The following GJA3 variants were observed in gnomAD, a reference collection of about 807,000 sequenced individuals.
GJA3 encodes gap junction protein alpha 3, also known as gap junction alpha-3 protein.
For synonymous variants in GJA3, 297 were observed against 292.6 expected, an observed-to-expected ratio of 1.02 and a Z score of -0.15; for missense variants, 571 against 620.3, an observed-to-expected ratio of 0.92 and a Z score of 0.84.
At position 20,142,654 on chromosome 13, in the gene GJA3, C is replaced by T; in HGVS notation, c.635G>A (p.Cys212Tyr). Residue 212 changes from cysteine to tyrosine, a missense_variant, in exon 2 of 2, where the codon TGC becomes TAC. By Grantham distance (194) the Cys-to-Tyr change is radical. Coordinates refer to ENST00000241125, the MANE Select transcript of GJA3 (RefSeq NM_021954.4). ...IFIIFMLAVA[C>Y]ASLLLNMLEI... Reference sequence around the variant, plus strand: ...CAGCATGTTGAGCAGCAGGGACGCGCAGGCCACCGCCAGCATGAAGATGAT... The same window carrying T: ...CAGCATGTTGAGCAGCAGGGACGCGTAGGCCACCGCCAGCATGAAGATGAT... 1.2e-6 allele frequency: 2 copies of T among 1,613,748 alleles called. No homozygotes were observed.
At chr13:20,160,711 C>T (rs1052120805) in intron 1 of GJA3, among the ~76,000 whole-genome samples, 179 bp downstream of exon 1, 8 of 152,172 alleles carry the variant, frequency 5.3e-5, no homozygotes, top group African/African-American at 1.7e-4. Context: ...TTTGAAGAAT[C>T]CTGAAAGAAT....
chr13:20,159,409 A>C (rs1191536071), intron 1 of GJA3, among the ~76,000 whole-genome samples: 1 of 137,486 alleles, frequency 7.3e-6, no homozygotes, highest in Admixed American at 8.0e-5. Flanking sequence ...GTGAGCCGAG[A>C]TCGCACCACT....
intron 1 of GJA3, among the ~76,000 whole-genome samples, chr13:20,151,268 G>C (rs1958875515): frequency 6.6e-6 from 1 of 152,130 alleles, no homozygotes; most frequent in Non-Finnish European, 1.5e-5. Context: ...AGCCCTCCAG[G>C]AGATAAGGAA....
At position 20,139,525 on chromosome 13, in the gene GJA3, C is replaced by T. The variant is rs1380401138; in HGVS notation, c.*2456G>A. 6.6e-6 allele frequency: 1 copy of T among 152,130 alleles called. No homozygotes were observed. Among genetic ancestry groups the T allele is most frequent in the East Asian group, 1.9e-4 (1 of 5,192 alleles). 9.4% of individuals were successfully genotyped at this position (152,130 alleles called of 1,614,324 possible). A position where few individuals can be genotyped will look rare whatever the true frequency, so the allele number is the denominator to read the frequency against. ...GACCCAGCCTTTAGAATCATGGATACCTCAAAGAGCAAAAGGATGTGAAAC... is the reference window on the plus strand; with the variant it reads ...GACCCAGCCTTTAGAATCATGGATATCTCAAAGAGCAAAAGGATGTGAAAC... On this transcript the variant is annotated 3_prime_UTR_variant, in exon 2 of 2. Coordinates refer to ENST00000241125, the MANE Select transcript of GJA3 (RefSeq NM_021954.4).
chr13:20,148,185 C>T (rs773150319), intron 1 of GJA3, among the ~76,000 whole-genome samples: 4 of 151,986 alleles, frequency 2.6e-5, no homozygotes, highest in Non-Finnish European at 4.4e-5. Context: ...CCTCCCTTCG[C>T]CGTCAGACTT....
chr13:20,156,454 G>A (rs1477616251), intron 1 of GJA3, among the ~76,000 whole-genome samples: 3 of 152,052 alleles, frequency 2.0e-5, no homozygotes, highest in Non-Finnish European at 4.4e-5. Context: ...TTACAGGCGT[G>A]TGTCACCACA....
chr13:20,157,660 T>C (rs558869672), intron 1 of GJA3, among the ~76,000 whole-genome samples: 48 of 152,352 alleles, frequency 3.2e-4, no homozygotes, highest in Non-Finnish European at 6.0e-4. Context: ...GTTCAGCTTA[T>C]GACACTATGT....
At chr13:20,153,782 T>G (rs1193026226) in intron 1 of GJA3, among the ~76,000 whole-genome samples, 2 of 144,180 alleles carry the variant, frequency 1.4e-5, no homozygotes, top group East Asian at 3.9e-4. Context: ...TAAAGTATAA[T>G]AATAATAAAA....
intron 1 of GJA3, among the ~76,000 whole-genome samples, chr13:20,151,997 G>A (rs146290632): frequency 1.3e-5 from 2 of 152,342 alleles, no homozygotes; most frequent in East Asian, 1.9e-4. Context: ...CAGAACGGGA[G>A]TAATGGAACT....
chr13:20,142,342 T>C lies in GJA3; in HGVS notation c.947A>G (p.Asn316Ser), dbSNP rs774018241. The C allele has an allele frequency of 1.3e-6, 2 of 1,556,894 alleles. No homozygotes were observed. The highest frequency in any genetic ancestry group is 2.0e-5 in the Admixed American group (1 of 50,264). ...RGKGQSAKLY[N>S]GHHHLLMTEQ... ...AGTCATCAGCAGGTGGTGGTGGCCG[T>C]TGTAGAGCTTGGCGGACTGGCCCTT... Residue 316 changes from asparagine to serine, a missense_variant, in exon 2 of 2, where the codon AAC becomes AGC. Asn to Ser is a conservative substitution (Grantham distance 46). Coordinates refer to ENST00000241125, the MANE Select transcript of GJA3 (RefSeq NM_021954.4).
chr13:20,138,268 G>A lies in GJA3; in HGVS notation c.*3713C>T, dbSNP rs959858239. 1 of 152,136 alleles carries A rather than the reference G, an allele frequency of 6.6e-6. No individual in the cohort carries two copies. The highest frequency in any genetic ancestry group is 2.4e-5 in the African/African-American group (1 of 41,414). The allele number at this position is 152,136 out of a possible 1,614,324, so 9.4% of individuals were successfully genotyped here. ...CAGAACTAGTGGTTTAAACTTAAGG[G>A]CACTTTTATTATTTTAGAAAATGCT... is the stretch of plus-strand genomic sequence containing the variant. On this transcript the variant is annotated 3_prime_UTR_variant, in exon 2 of 2. Transcript: ENST00000241125.
intron 1 of GJA3, among the ~76,000 whole-genome samples, chr13:20,144,251 T>C (rs948843971): frequency 1.3e-5 from 2 of 152,114 alleles, no homozygotes; most frequent in African/African-American, 2.4e-5. Flanking sequence ...GGGTGCTGGA[T>C]GGGGGCAGAG....
intron 1 of GJA3, among the ~76,000 whole-genome samples, chr13:20,158,912 C>CAAAAAAAAAAACA (rs1958920592): frequency 1.8e-5 from 1 of 54,980 alleles, no homozygotes; most frequent in Non-Finnish European, 3.1e-5. Flanking sequence ...GCAAAACTCT[C>CAAAAAAAAAAACA]AAAAAAAAAA....
rs1490931264 is a variant in GJA3 at position 20,160,541 on chromosome 13, C to G, written c.-18+349G>C. Among the ~76,000 whole-genome samples the G allele has an allele frequency of 3.9e-5, 6 of 152,198 alleles. No homozygotes were observed. The South Asian group carries it at 1.0e-3, about 26-fold the overall frequency. ...CCGGGACAGCCCGGCTTCCTCCACCCGAGGGGGAAAACAACCCCAGGAAAA... is the reference window on the plus strand; with the variant it reads ...CCGGGACAGCCCGGCTTCCTCCACCGGAGGGGGAAAACAACCCCAGGAAAA... On this transcript the variant is annotated intron_variant, in intron 1 of 1. Transcript: ENST00000241125.
intron 1 of GJA3, among the ~76,000 whole-genome samples, chr13:20,151,334 C>T (rs1183309998): frequency 6.6e-6 from 1 of 152,118 alleles, no homozygotes; most frequent in East Asian, 1.9e-4. Context: ...GCCCCCCAAC[C>T]CCACAACCCA....
At position 20,140,059 on chromosome 13, in the gene GJA3, A is replaced by G. The variant is rs561538765; in HGVS notation, c.*1922T>C. 6.6e-6 allele frequency: 1 copy of G among 152,320 alleles called. No individual in the cohort carries two copies. Among genetic ancestry groups the G allele is most frequent in the Admixed American group, 6.5e-5 (1 of 15,288 alleles). 9.4% of individuals were successfully genotyped at this position (152,320 alleles called of 1,614,324 possible). On this transcript the variant is annotated 3_prime_UTR_variant, in exon 2 of 2. Transcript: ENST00000241125. ...AACTAAGTCCTGCTGCCCTAGGCCT[A>G]TGGCATACACTGCATGTAATGAGTG...
chr13:20,161,060 C>A, upstream of GJA3: 1 of 153,126 alleles, frequency 6.5e-6, no homozygotes, highest in South Asian at 1.9e-4. Context: ...TGCGCTGCGC[C>A]CGACGCCCCC....
At position 20,141,791 on chromosome 13, in the gene GJA3, T is replaced by G; in HGVS notation, c.*190A>C. ...AAGTGGGAGTTATCCCCACTGTAAC[T>G]CACAGTGCTAAGAACAGCAAGCATT... On this transcript the variant is annotated 3_prime_UTR_variant, in exon 2 of 2. Coordinates refer to ENST00000241125, the MANE Select transcript of GJA3 (RefSeq NM_021954.4). 1 of 823,926 alleles carries G rather than the reference T, an allele frequency of 1.2e-6. No homozygotes were observed. Among genetic ancestry groups the G allele is most frequent in the Non-Finnish European group, 1.8e-6 (1 of 547,560 alleles). 51.0% of individuals were successfully genotyped at this position (823,926 alleles called of 1,614,324 possible).
intron 1 of GJA3, among the ~76,000 whole-genome samples, chr13:20,143,638 C>T (rs1309805908): frequency 1.3e-5 from 2 of 152,272 alleles, no homozygotes; most frequent in South Asian, 2.1e-4. Flanking sequence ...CCTTAGGCCA[C>T]TTCTGAATCA....
Sources: gnomAD v4.1 joint callset for allele counts (sites outside exome capture counted in the v4.1 genomes callset) on GRCh38, gnomAD v4.1.1 for gene constraint, MANE v1.5 for transcripts, NCBI Gene and HGNC (gene_info 2026-07-23, HGNC 2026-07-21) for gene names.